The following ADAMTSL2 variants were observed in gnomAD, a reference collection of about 807,000 sequenced individuals.
ADAMTSL2 encodes the protein ADAMTS like 2.
ADAMTSL2 carries 55 observed loss-of-function variants against 117.0 expected under a neutral mutation model. That is an observed-to-expected ratio of 0.47 (90% confidence interval 0.38 to 0.59). The LOEUF is 0.59. ADAMTSL2 is among the 20% of genes least tolerant of loss of function. The pLI, the probability that ADAMTSL2 is intolerant of heterozygous loss-of-function variation, is 0.00. For missense variants in ADAMTSL2, 1,182 were observed against 1,354.5 expected (o/e 0.87, Z 2.00); for synonymous variants, 572 against 566.4 (o/e 1.01, Z -0.14).
intron 7 of ADAMTSL2, 59 bp from the exon 8 acceptor site, chr9:133,544,411 T>C: frequency 7.0e-7 from 1 of 1,421,312 alleles, no homozygotes; most frequent in Non-Finnish European, 1.0e-6. Flanking sequence ...AGTGGGCGAG[T>C]GCCACCCAAG....
chr9:133,536,860 T>G (rs1190436822), intron 2 of ADAMTSL2, 58 bp downstream of exon 2: 1 of 1,612,498 alleles, frequency 6.2e-7, no homozygotes, highest in Non-Finnish European at 8.5e-7. Flanking sequence ...GGTGCTGTGA[T>G]CACTCTCAGA....
In ADAMTSL2 at chr9:133,561,364, G is replaced by A. The variant is rs1170357412; in HGVS notation, c.1747+69G>A. The A allele has an allele frequency of 9.9e-6, 14 of 1,413,398 alleles. No homozygotes were observed. In the African/African-American group the frequency reaches 1.4e-4, roughly 14 times the overall value. The allele number at this position is 1,413,398 out of a possible 1,614,324, so 87.6% of individuals were successfully genotyped here. A position where few individuals can be genotyped will look rare whatever the true frequency, so the allele number is the denominator to read the frequency against. On this transcript the variant is annotated intron_variant, in intron 12 of 18. Transcript: ENST00000651351. ...ATTTCCATGGACATGGGCTGGGGCT[G>A]TGGGGCCCACCCACTAGCTTGCAGC... is the stretch of plus-strand genomic sequence containing the variant.
At chr9:133,561,401 C>A in intron 12 of ADAMTSL2, 106 bp downstream of exon 12, 1 of 1,043,194 alleles carries the variant, frequency 9.6e-7, no homozygotes, top group Non-Finnish European at 1.4e-6. Context: ...CCCAAACTGC[C>A]CTCGGGGTGC....
At position 133,540,964 on chromosome 9, in the gene ADAMTSL2, C is replaced by G. The variant is rs772372827; in HGVS notation, c.645C>G (p.His215Gln). ...AGGGGGACGGTAGCAGCTGCACCCA[C>G]GTGACGGGCAACTATCGCAAGGGGA... ...ICQGDGSSCTHVTGNYRKGNA... is the reference protein window; with the variant it reads ...ICQGDGSSCTQVTGNYRKGNA... Residue 215 changes from histidine to glutamine, a missense_variant, in exon 7 of 19, where the codon CAC becomes CAG. Transcript: ENST00000651351. 6.2e-7 allele frequency: 1 copy of G among 1,613,452 alleles called. No individual in the cohort carries two copies. The highest frequency in any genetic ancestry group is 1.1e-5 in the South Asian group (1 of 91,088).
chr9:133,564,217 AGG>A (rs1830858607), intron 12 of ADAMTSL2, among the ~76,000 whole-genome samples: 1 of 62,752 alleles, frequency 1.6e-5, no homozygotes. Flanking sequence ...AGAGAGGGAG[AGG>A]GAGAGAGAGG....
At chr9:133,534,269 CG>C (rs148849067), upstream of ADAMTSL2, 1,756 of 154,804 alleles carry the variant, frequency 0.011, 36 homozygotes, top group African/African-American at 0.04. Context: ...ACGGTCGTCC[CG>C]GAAGTTCAGC....
At chr9:133,536,541 G>T in intron 1 of ADAMTSL2, 22 bp from the exon 2 acceptor site, 2 of 1,542,286 alleles carry the variant, frequency 1.3e-6, no homozygotes, top group Non-Finnish European at 1.8e-6. Context: ...GACTGAGGCG[G>T]GGGGTTCATC....
At chr9:133,535,249 G>A (rs1043206427) in intron 1 of ADAMTSL2, among the ~76,000 whole-genome samples, 1 of 152,146 alleles carries the variant, frequency 6.6e-6, no homozygotes, top group Non-Finnish European at 1.5e-5. Flanking sequence ...GCAAGTGTGA[G>A]GCCGGCTGGC....
chr9:133,553,322 G>A (rs1257203313), intron 9 of ADAMTSL2, among the ~76,000 whole-genome samples: 2 of 152,106 alleles, frequency 1.3e-5, no homozygotes, highest in Non-Finnish European at 2.9e-5. Flanking sequence ...GGAAGAGCAC[G>A]CTCTCTGCTC....
chr9:133,541,814 T>C (rs1273392343), intron 7 of ADAMTSL2, among the ~76,000 whole-genome samples: 4 of 152,202 alleles, frequency 2.6e-5, no homozygotes, highest in Admixed American at 2.6e-4. Context: ...GTCCCAGCCC[T>C]CATCGGGGGT....
intron 4 of ADAMTSL2, 136 bp downstream of exon 4, chr9:133,538,560 A>G: frequency 1.0e-6 from 1 of 998,656 alleles, no homozygotes; most frequent in East Asian, 2.6e-5. Flanking sequence ...GCCCAGGAGC[A>G]GGGTTGAGAA....
At chr9:133,543,569 C>T (rs1346998843) in intron 7 of ADAMTSL2, among the ~76,000 whole-genome samples, 1 of 152,178 alleles carries the variant, frequency 6.6e-6, no homozygotes, top group East Asian at 1.9e-4. Context: ...GTCAGGATCT[C>T]CAGGGACCTG....
intron 12 of ADAMTSL2, among the ~76,000 whole-genome samples, chr9:133,561,732 A>T (rs1233603095): frequency 6.6e-6 from 1 of 152,230 alleles, no homozygotes; most frequent in Non-Finnish European, 1.5e-5. Context: ...GGACCTCATC[A>T]GCAGGGGAGA....
Position 133,554,607 on chromosome 9 carries a change from C to A in ADAMTSL2, c.1190C>A (p.Pro397His). 2 of 1,547,284 alleles carry A rather than the reference C, an allele frequency of 1.3e-6. No homozygotes were observed. Among genetic ancestry groups the A allele is most frequent in the Non-Finnish European group, 8.7e-7 (1 of 1,146,236 alleles). Residue 397 changes from proline (P) to histidine (H), a missense_variant, in exon 10 of 19, where the codon CCC becomes CAC. This residue lies in a region of ADAMTSL2 where 345 missense variants were observed against 325.8 expected (regional missense o/e 1.06). Transcript: ENST00000651351. This position sits in a 1 kb window ranked among gnomAD's most constrained non-coding sequence, Gnocchi z 5.2. ...CCGGGCCTGGACATGGAGCTGGGCC[C>A]CAGCCAGGGCCAGGAGACCAACGAG... is the stretch of plus-strand genomic sequence containing the variant. ...GHPGLDMELG[P>H]SQGQETNEVC...
intron 11 of ADAMTSL2, among the ~76,000 whole-genome samples, chr9:133,560,543 G>GGCT (rs1304308118): frequency 2.0e-5 from 3 of 152,252 alleles, no homozygotes; most frequent in African/African-American, 7.2e-5. Flanking sequence ...AGTTGGCTTT[G>GGCT]GCTGCATAGG....
upstream of ADAMTSL2, among the ~76,000 whole-genome samples, chr9:133,533,296 G>A (rs150809819): frequency 4.7e-3 from 708 of 152,230 alleles, 5 homozygotes; most frequent in African/African-American, 0.017. Flanking sequence ...GTTCCACACC[G>A]CAGGTGGCCC....
At chr9:133,574,451 G>T (rs1831181463) in intron 18 of ADAMTSL2, among the ~76,000 whole-genome samples, 2 of 152,126 alleles carry the variant, frequency 1.3e-5, no homozygotes, top group Admixed American at 1.3e-4. Context: ...AGTGGTGGAC[G>T]GGGGGCCCCT....
Position 133,544,464 on chromosome 9 carries a change from C to T in ADAMTSL2, c.683-6C>T. ...GAGGGGCTCACTGTCATCCTTTTGC[C>T]TCCAGGTTACTCTCTGGTGACCCAC... On this transcript the variant is annotated splice_region_variant and splice_polypyrimidine_tract_variant and intron_variant, in intron 7 of 18. Coordinates refer to ENST00000651351, the MANE Select transcript of ADAMTSL2 (RefSeq NM_014694.4). The T allele has an allele frequency of 6.2e-7, 1 of 1,613,436 alleles. No homozygotes were observed. Among genetic ancestry groups the T allele is most frequent in the African/African-American group, 1.3e-5 (1 of 75,048 alleles).
chr9:133,574,163 T>TG (rs1831175071), intron 18 of ADAMTSL2, among the ~76,000 whole-genome samples, 176 bp downstream of exon 18: 1 of 151,848 alleles, frequency 6.6e-6, no homozygotes, highest in African/African-American at 2.4e-5. Context: ...CGAGCCCCAC[T>TG]GGGAGGGGAG....
Sources: gnomAD v4.1 joint callset for allele counts (sites outside exome capture counted in the v4.1 genomes callset) on GRCh38, gnomAD v4.1.1 for gene constraint, gnomAD v4.1.1 regional missense constraint, Gnocchi (gnomAD v3.1) non-coding constraint, MANE v1.5 for transcripts, NCBI Gene and HGNC (gene_info 2026-07-23, HGNC 2026-07-21) for gene names.